PRKN: variants seen among roughly 807,000 people sequenced by gnomAD.
The protein encoded by PRKN is E3 ubiquitin-protein ligase parkin.
PRKN carries 56 observed loss-of-function variants against 59.5 expected under a neutral mutation model. The observed-to-expected ratio is 0.94, with a 90% confidence interval of 0.76 to 1.18. The LOEUF (loss-of-function observed/expected upper bound fraction) is 1.18. Ranked by LOEUF, PRKN falls within the 50% of genes most tolerant of loss-of-function variation. PRKN has a pLI of 0.00. For missense variants in PRKN, 657 were observed against 596.4 expected, an observed-to-expected ratio of 1.10 and a Z score of -1.06; for synonymous variants, 250 against 222.1, an observed-to-expected ratio of 1.13 and a Z score of -1.12.
intron 4 of PRKN, among the ~76,000 whole-genome samples, chr6:162,174,362 C>T (rs929523402): frequency 1.1e-4 from 16 of 152,086 alleles, no homozygotes; most frequent in Non-Finnish European, 2.1e-4. Context: ...CAGCTGAATC[C>T]CAAGTCCTTG....
rs1554254417 is a variant in PRKN, at chr6:161,957,416, T to TTTG, written c.734+15885_734+15886insCAA. On this transcript the variant is annotated intron_variant, in intron 6 of 11. Coordinates refer to ENST00000366898, the MANE Select transcript of PRKN (RefSeq NM_004562.3). ...TTTTTTGTTGTTCTTGTTGTTTTTT[T>TTTG]TTTGTTTGTTTGTTTGTTTGTTTTT... Among the ~76,000 whole-genome samples the TTTG allele has an allele frequency of 3.7e-3, 464 of 126,368 alleles. 1 individual carries two copies. Among genetic ancestry groups the TTTG allele is most frequent in the African/African-American group, 4.6e-3 (133 of 29,222 alleles). The allele number at this position is 126,368 out of a possible 152,430, so 82.9% of individuals were successfully genotyped here.
chr6:162,266,017 G>A (rs563237631), intron 2 of PRKN, among the ~76,000 whole-genome samples: 12 of 152,234 alleles, frequency 7.9e-5, no homozygotes, highest in Admixed American at 7.9e-4. Flanking sequence ...AGCCTAAGTC[G>A]TTTCAGAGAA....
At chr6:162,365,809 A>G (rs562910935) in intron 2 of PRKN, among the ~76,000 whole-genome samples, 17 of 152,076 alleles carry the variant, frequency 1.1e-4, no homozygotes, top group African/African-American at 3.9e-4. Context: ...TTGTTCATGT[A>G]TTTCTTACTG....
chr6:162,150,472 A>G (rs1782222555), intron 4 of PRKN, among the ~76,000 whole-genome samples: 1 of 152,182 alleles, frequency 6.6e-6, no homozygotes, highest in Non-Finnish European at 1.5e-5. Context: ...TAGAGCACAG[A>G]GCCCCTGGCA....
intron 7 of PRKN, among the ~76,000 whole-genome samples, chr6:161,763,542 C>T (rs1367225148): frequency 6.6e-6 from 1 of 152,006 alleles, no homozygotes; most frequent in Non-Finnish European, 1.5e-5. Flanking sequence ...TCCTCAGCGA[C>T]CACGTTGTAA....
At chr6:161,778,224 A>G (rs1048376095) in intron 7 of PRKN, among the ~76,000 whole-genome samples, 3 of 152,148 alleles carry the variant, frequency 2.0e-5, no homozygotes, top group Non-Finnish European at 2.9e-5. Context: ...TGTGGTGATC[A>G]AAGTCCTTTG....
intron 6 of PRKN, among the ~76,000 whole-genome samples, chr6:161,797,394 G>A (rs1055524176): frequency 1.3e-5 from 2 of 152,046 alleles, no homozygotes; most frequent in African/African-American, 4.8e-5. Flanking sequence ...AGCCCCCTAC[G>A]TAGCTGGGAC....
intron 2 of PRKN, among the ~76,000 whole-genome samples, chr6:162,306,854 G>A (rs1782251623): frequency 6.6e-6 from 1 of 152,124 alleles, no homozygotes; most frequent in Non-Finnish European, 1.5e-5. Flanking sequence ...CCAATGCTGA[G>A]GCCCAGCACA....
At chr6:161,649,075 C>A (rs1386515642) in intron 7 of PRKN, among the ~76,000 whole-genome samples, 1 of 152,154 alleles carries the variant, frequency 6.6e-6, no homozygotes, top group Non-Finnish European at 1.5e-5. Flanking sequence ...AACATAGTAT[C>A]CTCACAAAGC....
chr6:162,359,824 G>C (rs1785058537), intron 2 of PRKN, among the ~76,000 whole-genome samples: 1 of 152,048 alleles, frequency 6.6e-6, no homozygotes, highest in Admixed American at 6.6e-5. Flanking sequence ...TTAGTTAAGG[G>C]TTGGCTAAAC....
At chr6:162,501,959 T>A (rs1278150192) in intron 1 of PRKN, among the ~76,000 whole-genome samples, 1 of 152,116 alleles carries the variant, frequency 6.6e-6, no homozygotes, top group Non-Finnish European at 1.5e-5. Context: ...AAAAGACGAA[T>A]TAAGTAATTT....
intron 3 of PRKN, among the ~76,000 whole-genome samples, chr6:162,226,054 T>C (rs1031151311): frequency 7.0e-6 from 1 of 141,928 alleles, no homozygotes; most frequent in Non-Finnish European, 1.5e-5. Context: ...GGAGAAGGCA[T>C]CAATAAGTTT....
chr6:162,477,451 C>T lies in PRKN; in HGVS notation c.8-33978G>A, dbSNP rs75467600. ...CATTTTTGACAGCATCTATACTCCT[C>T]TTATATCAACAGAATATGTCCAGAA... On this transcript the variant is annotated intron_variant, in intron 1 of 11. Coordinates refer to ENST00000366898, the MANE Select transcript of PRKN (RefSeq NM_004562.3). 5.7e-3 allele frequency among the ~76,000 whole-genome samples: 869 copies of T among 152,274 alleles called. 9 individuals carry two copies. Among genetic ancestry groups the T allele is most frequent in the African/African-American group, 0.02 (824 of 41,546 alleles).
chr6:161,903,179 G>A (rs768257997), intron 6 of PRKN, among the ~76,000 whole-genome samples: 6 of 131,252 alleles, frequency 4.6e-5, no homozygotes, highest in African/African-American at 6.7e-5. Context: ...CGGAAGCAGC[G>A]TTGTGCTGGA....
chr6:162,545,592 G>A (rs1404708726), intron 1 of PRKN, among the ~76,000 whole-genome samples: 3 of 152,122 alleles, frequency 2.0e-5, no homozygotes, highest in Non-Finnish European at 4.4e-5. Context: ...CCTTATATAT[G>A]AGGAAAACAT....
rs540597299 is a variant in PRKN at position 161,749,221 on chromosome 6, A to G, written c.871+36551T>C. Among the ~76,000 whole-genome samples the G allele has an allele frequency of 5.9e-5, 9 of 152,330 alleles. No homozygotes were observed. The South Asian group carries it at 1.9e-3, about 32-fold the overall frequency. ...GCGCAGCTTCGCCTATTTCTCTGAC[A>G]AGACTGTAACATCTTGGAAGGGAGA... On this transcript the variant is annotated intron_variant, in intron 7 of 11. Coordinates refer to ENST00000366898, the MANE Select transcript of PRKN (RefSeq NM_004562.3).
intron 5 of PRKN, among the ~76,000 whole-genome samples, chr6:161,985,293 G>A (rs761521178): frequency 6.6e-6 from 1 of 152,084 alleles, no homozygotes; most frequent in Non-Finnish European, 1.5e-5. Flanking sequence ...GAACATAACG[G>A]CACCCAAAAC....
In PRKN at chr6:162,330,529, G is replaced by A. The variant is rs78327328; in HGVS notation, c.172-67764C>T. Among the ~76,000 whole-genome samples, 941 of 152,248 alleles carry A rather than the reference G, an allele frequency of 6.2e-3. 5 individuals carry two copies. Among genetic ancestry groups the A allele is most frequent in the African/African-American group, 0.022 (900 of 41,530 alleles). On this transcript the variant is annotated intron_variant, in intron 2 of 11. Transcript: ENST00000366898. ...GCTGAAACTGAATTCTAGATATTGAGTCTGTCACTCAGGGCATCCGTTGTT... is the reference window on the plus strand; with the variant it reads ...GCTGAAACTGAATTCTAGATATTGAATCTGTCACTCAGGGCATCCGTTGTT...
intron 6 of PRKN, among the ~76,000 whole-genome samples, chr6:161,820,657 ATTTTT>A: frequency 6.7e-6 from 1 of 148,260 alleles, no homozygotes; most frequent in Admixed American, 6.7e-5. Flanking sequence ...TATGAATAAA[ATTTTT>A]ATTTTATAAA....
Sources: gnomAD v4.1 joint callset for allele counts (sites outside exome capture counted in the v4.1 genomes callset) on GRCh38, gnomAD v4.1.1 for gene constraint, MANE v1.5 for transcripts, NCBI Gene and HGNC (gene_info 2026-07-23, HGNC 2026-07-21) for gene names.